IRAG2: variants seen among roughly 807,000 people sequenced by gnomAD.
The protein encoded by IRAG2 is inositol 1,4,5-triphosphate receptor associated 2, also known as lymphoid restricted membrane protein.
In IRAG2, 45 loss-of-function variants were observed where a neutral mutation model predicts 69.9. That is an observed-to-expected ratio of 0.64 (90% CI 0.51 to 0.83). The LOEUF (loss-of-function observed/expected upper bound fraction) is 0.83, where lower values mean the gene tolerates loss of function less well. Ranked by LOEUF, IRAG2 falls within the 40% of genes least tolerant of loss-of-function variation. IRAG2 has a pLI of 0.00. For missense variants in IRAG2, 520 were observed against 587.0 expected, an observed-to-expected ratio of 0.89 and a Z score of 1.18; for synonymous variants, 193 against 202.4, an observed-to-expected ratio of 0.95 and a Z score of 0.40.
chr12:25,067,227 ATCT>A (rs1420737802), intron 5 of IRAG2, among the ~76,000 whole-genome samples: 1 of 152,092 alleles, frequency 6.6e-6, no homozygotes, highest in Non-Finnish European at 1.5e-5. Context: ...ACACAGACTA[ATCT>A]TCTAATCTAA....
intron 2 of IRAG2, among the ~76,000 whole-genome samples, chr12:25,061,972 A>G (rs1208256690): frequency 3.9e-5 from 6 of 152,198 alleles, no homozygotes; most frequent in African/African-American, 1.4e-4. Flanking sequence ...TCTGATAGTA[A>G]GGGCATATCA....
At position 25,061,598 on chromosome 12, in the gene IRAG2, T is replaced by C. The variant is rs1042683013; in HGVS notation, c.-440T>C. The C allele has an allele frequency of 1.5e-4, 60 of 398,464 alleles. No homozygotes were observed. The highest frequency in any genetic ancestry group is 2.4e-4 in the Non-Finnish European group (55 of 226,048). The allele number at this position is 398,464 out of a possible 1,614,324, so 24.7% of individuals were successfully genotyped here. The stretch of plus-strand genomic sequence containing the variant: ...TTATAAATTCTCTTTGTAGCAACAA[T>C]TGAGTCACTTCAAAAGGAGTTCATT... On this transcript the variant is annotated 5_prime_UTR_variant, in exon 2 of 22. Coordinates refer to ENST00000556887, the MANE Select transcript of IRAG2 (RefSeq NM_001366544.2).
chr12:25,075,523 T>TGC (rs747767764), intron 6 of IRAG2, among the ~76,000 whole-genome samples: 3 of 97,540 alleles, frequency 3.1e-5, no homozygotes, highest in African/African-American at 5.2e-5. Flanking sequence ...TGTGTATGCG[T>TGC]GTGTGTGTGT....
In IRAG2 at chr12:25,106,876, A is replaced by G. The variant is rs913725995; in HGVS notation, c.1149-67A>G. 9.2e-6 allele frequency: 6 copies of G among 648,658 alleles called. No individual in the cohort carries two copies. The East Asian group carries it at 1.6e-4, about 18-fold the overall frequency. The allele number at this position is 648,658 out of a possible 1,614,324, so 40.2% of individuals were successfully genotyped here. A position where few individuals can be genotyped will look rare whatever the true frequency, so the allele number is the denominator to read the frequency against. On this transcript the variant is annotated intron_variant, in intron 20 of 21. Transcript: ENST00000556887. ...TCTTGAGTTACAGTAAGATTCAGCAATATTTTATGAATAATTATAGCATAT... is the reference window on the plus strand; with the variant it reads ...TCTTGAGTTACAGTAAGATTCAGCAGTATTTTATGAATAATTATAGCATAT...
intron 15 of IRAG2, among the ~76,000 whole-genome samples, chr12:25,099,402 A>G (rs1308412095): frequency 6.6e-6 from 1 of 152,200 alleles, no homozygotes; most frequent in African/African-American, 2.4e-5. Context: ...CTCACTTCAC[A>G]TTAAATCCTA....
exon 7 of IRAG2, chr12:25,020,848 C>T: frequency 8.1e-7 from 1 of 1,231,982 alleles, no homozygotes. Context: ...GGAACTGAAA[C>T]TTAGTATGAA....
intron 5 of IRAG2, among the ~76,000 whole-genome samples, chr12:25,016,624 A>C (rs1016985027): frequency 6.6e-6 from 1 of 152,032 alleles, no homozygotes; most frequent in Admixed American, 6.6e-5. Flanking sequence ...TTAGCTGGGC[A>C]TGGTGGTGCA....
chr12:25,009,749 A>C (rs1236363137), intron 2 of IRAG2, among the ~76,000 whole-genome samples: 1 of 152,144 alleles, frequency 6.6e-6, no homozygotes, highest in Admixed American at 6.5e-5. Context: ...CCCATCCAAA[A>C]GCCAGCAGGC....
At chr12:25,020,663 T>C in intron 6 of IRAG2, 1 of 402,110 alleles carries the variant, frequency 2.5e-6, no homozygotes, top group Non-Finnish European at 4.3e-6. Flanking sequence ...ATTTTTACTA[T>C]GCGGGCATCT....
chr12:25,035,969 G>A (rs1235305442), intron 14 of IRAG2, among the ~76,000 whole-genome samples: 2 of 152,170 alleles, frequency 1.3e-5, no homozygotes, highest in African/African-American at 4.8e-5. Context: ...TTAGTTCTGG[G>A]TCAATCAGGG....
chr12:25,031,198 C>T (rs1223142220), intron 10 of IRAG2: 5 of 360,906 alleles, frequency 1.4e-5, no homozygotes, highest in Non-Finnish European at 1.9e-5. Flanking sequence ...TGGGATACTG[C>T]GTATTGTCCT....
At chr12:25,101,394 A>C in intron 16 of IRAG2, 69 bp downstream of exon 16, 2 of 1,120,414 alleles carry the variant, frequency 1.8e-6, no homozygotes, top group Non-Finnish European at 2.5e-6. Flanking sequence ...GCTAAGTCTT[A>C]TTATTACTTC....
intron 3 of IRAG2, chr12:25,015,088 G>GAAAAAAAATAAAAA (rs1944511205): frequency 2.0e-5 from 1 of 50,218 alleles, no homozygotes; most frequent in Non-Finnish European, 3.3e-5. Flanking sequence ...GCATAAATCT[G>GAAAAAAAATAAAAA]AAAAAAAAAA....
At chr12:25,103,317 T>C (rs965072968) in intron 17 of IRAG2, 3 of 153,366 alleles carry the variant, frequency 2.0e-5, no homozygotes, top group African/African-American at 7.2e-5. Flanking sequence ...AAAAAAGCTA[T>C]ACATGTAGGT....
At chr12:25,032,065 T>C (rs1220990519) in intron 10 of IRAG2, 1 of 397,744 alleles carries the variant, frequency 2.5e-6, no homozygotes, top group Non-Finnish European at 4.4e-6. Context: ...TTTCTGTGGC[T>C]CACATTAATA....
chr12:25,107,909 T>C lies in IRAG2; in HGVS notation c.1349T>C (p.Leu450Pro). The C allele has an allele frequency of 6.2e-7, 1 of 1,614,232 alleles. No individual in the cohort carries two copies. The highest frequency in any genetic ancestry group is 8.5e-7 in the Non-Finnish European group (1 of 1,180,046). The change falls in exon 22 of 22, where the codon CTG (leucine) becomes CCG (proline). Residue 450 changes from leucine to proline, a missense_variant. Coordinates refer to ENST00000556887, the MANE Select transcript of IRAG2 (RefSeq NM_001366544.2). ...ALWLSIAFIV[L>P]FAALMSFLTG... ...TGGCTCTCTATTGCATTCATTGTAC[T>C]GTTTGCAGCTTTGATGAGCTTCCTC...
At chr12:25,085,488 AGTCTGCCAGTCTGCTG>A (rs1452379175) in intron 10 of IRAG2, among the ~76,000 whole-genome samples, 9 of 152,160 alleles carry the variant, frequency 5.9e-5, no homozygotes, top group African/African-American at 1.7e-4. Flanking sequence ...CACTATTGTC[AGTCTGCCAGTCTGCTG>A]GTCTGCCAGT....
upstream of IRAG2, among the ~76,000 whole-genome samples, chr12:25,004,029 A>G (rs1484480504): frequency 6.6e-6 from 1 of 152,200 alleles, no homozygotes; most frequent in Admixed American, 6.5e-5. Flanking sequence ...AGAAAGCAGT[A>G]ACGTTTATCT....
chr12:25,006,779 G>T (rs1944436339), intron 2 of IRAG2, among the ~76,000 whole-genome samples: 1 of 152,154 alleles, frequency 6.6e-6, no homozygotes, highest in Non-Finnish European at 1.5e-5. Flanking sequence ...GTACGTGGGT[G>T]ATGGGATCAT....
Sources: gnomAD v4.1 joint callset for allele counts (sites outside exome capture counted in the v4.1 genomes callset) on GRCh38, gnomAD v4.1.1 for gene constraint, MANE v1.5 for transcripts, NCBI Gene and HGNC (gene_info 2026-07-23, HGNC 2026-07-21) for gene names.